MYT1: variants seen among roughly 807,000 people sequenced by gnomAD.
MYT1 encodes the protein myelin transcription factor I.
A neutral mutation model predicts 123.0 loss-of-function variants in MYT1; 23 were observed. The observed-to-expected ratio is 0.19, with a 90% CI of 0.13 to 0.26. The LOEUF (loss-of-function observed/expected upper bound fraction) is 0.26, where lower values mean the gene tolerates loss of function less well. MYT1 is among the 10% of genes least tolerant of loss of function. The pLI is 1.00. For synonymous variants in MYT1, 518 were observed against 575.3 expected (o/e 0.90, Z 1.43); for missense variants, 1,125 against 1,472.5 (o/e 0.76, Z 3.86).
At position 64,166,248 on chromosome 20, in the gene MYT1, C is replaced by T. The variant is rs764071388; in HGVS notation, c.-99+1509C>T. Among the ~76,000 whole-genome samples the T allele has an allele frequency of 3.9e-5, 6 of 152,190 alleles. No individual in the cohort carries two copies. Among genetic ancestry groups the T allele is most frequent in the East Asian group, 1.9e-4 (1 of 5,194 alleles). ...AGGCAGGACCCTGCCCTGTCTCCCTCGGTAGCTGTTCCTTGTGCAGAGGAG... is the reference window on the plus strand; with the variant it reads ...AGGCAGGACCCTGCCCTGTCTCCCTTGGTAGCTGTTCCTTGTGCAGAGGAG... On this transcript the variant is annotated intron_variant, in intron 1 of 22. Transcript: ENST00000328439. This position sits in a 1 kb window ranked among gnomAD's most constrained non-coding sequence, Gnocchi z 4.9.
rs1264210360 is a variant in MYT1, at chr20:64,193,445, A to C, written c.-1+3285A>C. The stretch of plus-strand genomic sequence containing the variant: ...TGCTGCTCTTAGATCGTTGAGTGGG[A>C]GCTTGGATCTTCCACAATACTGTCT... On this transcript the variant is annotated intron_variant, in intron 2 of 22. Coordinates refer to ENST00000328439, the MANE Select transcript of MYT1 (RefSeq NM_004535.3). This position sits in a 1 kb window ranked among gnomAD's most constrained non-coding sequence, Gnocchi z 4.0. 6.6e-6 allele frequency among the ~76,000 whole-genome samples: 1 copy of C among 152,012 alleles called. No homozygotes were observed. Among genetic ancestry groups the C allele is most frequent in the African/African-American group, 2.4e-5 (1 of 41,376 alleles).
intron 19 of MYT1, among the ~76,000 whole-genome samples, chr20:64,234,824 C>T (rs112907830): frequency 7.5e-6 from 1 of 132,592 alleles, no homozygotes; most frequent in Non-Finnish European, 1.6e-5. Flanking sequence ...GGTGGGTGAC[C>T]CCGAGCTGGC....
chr20:64,223,456 GC>G, intron 16 of MYT1, 97 bp downstream of exon 16: 2 of 1,389,932 alleles, frequency 1.4e-6, no homozygotes, highest in Non-Finnish European at 2.0e-6. Flanking sequence ...TCTCCAAGGT[GC>G]CAAGCCTCAG....
At chr20:64,223,664 C>T (rs997227353) in intron 16 of MYT1, among the ~76,000 whole-genome samples, 3 of 152,164 alleles carry the variant, frequency 2.0e-5, no homozygotes, top group African/African-American at 4.8e-5. Context: ...TGAAGATCCC[C>T]GACAGGGCTG....
chr20:64,193,559 G>T lies in MYT1; in HGVS notation c.-1+3399G>T, dbSNP rs1216976355. Among the ~76,000 whole-genome samples the T allele has an allele frequency of 2.0e-5, 3 of 152,116 alleles. No individual in the cohort carries two copies. The highest frequency in any genetic ancestry group is 2.9e-5 in the Non-Finnish European group (2 of 68,022). Reference sequence around the variant, plus strand: ...AGAAAACAGGCCAGACCATGGCTCTGTCTTTCTCCCCTCCCCTCACTGCAG... The same window carrying T: ...AGAAAACAGGCCAGACCATGGCTCTTTCTTTCTCCCCTCCCCTCACTGCAG... On this transcript the variant is annotated intron_variant, in intron 2 of 22. Coordinates refer to ENST00000328439, the MANE Select transcript of MYT1 (RefSeq NM_004535.3). The surrounding 1 kb of genome is among the most constrained non-coding windows in gnomAD (Gnocchi z 4.0).
At chr20:64,236,671 C>T (rs746647840) in intron 20 of MYT1, 25 bp downstream of exon 20, 37 of 1,593,554 alleles carry the variant, frequency 2.3e-5, no homozygotes, top group Admixed American at 3.3e-5. Flanking sequence ...CTGGATTTCC[C>T]TGCTCATGGC....
Position 64,223,183 on chromosome 20 carries a change from C to CAG in MYT1, c.2459+10_2459+11insAG. Reference sequence around the variant, plus strand: ...ACGCCTCCCACCGCAGGTTTGTCTCCTGCTCGGGTCCGTCTGGCCTGGGTG... The same window carrying CAG: ...ACGCCTCCCACCGCAGGTTTGTCTCCAGTGCTCGGGTCCGTCTGGCCTGGGTG... On this transcript the variant is annotated intron_variant, in intron 15 of 22. Coordinates refer to ENST00000328439, the MANE Select transcript of MYT1 (RefSeq NM_004535.3). 6.2e-7 allele frequency: 1 copy of CAG among 1,614,222 alleles called. No individual in the cohort carries two copies. Among genetic ancestry groups the CAG allele is most frequent in the Non-Finnish European group, 8.5e-7 (1 of 1,180,040 alleles).
intron 19 of MYT1, among the ~76,000 whole-genome samples, chr20:64,233,891 G>T (rs1984418700): frequency 6.6e-6 from 1 of 152,178 alleles, no homozygotes; most frequent in African/African-American, 2.4e-5. Flanking sequence ...GGGAGCAAAA[G>T]AGATGAGGTA....
At chr20:64,199,311 G>A (rs1983219988) in intron 3 of MYT1, among the ~76,000 whole-genome samples, 1 of 152,190 alleles carries the variant, frequency 6.6e-6, no homozygotes, top group South Asian at 2.1e-4. Context: ...GAAGTGCAGT[G>A]GGAGGAGAGG....
At chr20:64,180,232 A>C (rs1262703729) in intron 1 of MYT1, among the ~76,000 whole-genome samples, 2 of 152,174 alleles carry the variant, frequency 1.3e-5, no homozygotes, top group South Asian at 2.1e-4. Context: ...GACACACGCC[A>C]CACACACACC....
chr20:64,223,056 C>A, intron 14 of MYT1, 55 bp from the exon 15 acceptor site: 10 of 1,602,356 alleles, frequency 6.2e-6, no homozygotes, highest in Non-Finnish European at 8.6e-6. Context: ...CAGGCTCAGC[C>A]TGGGGGGCAG....
At position 64,167,420 on chromosome 20, in the gene MYT1, T is replaced by C. The variant is rs904438960; in HGVS notation, c.-99+2681T>C. Among the ~76,000 whole-genome samples, 26 of 152,044 alleles carry C rather than the reference T, an allele frequency of 1.7e-4. No homozygotes were observed. The highest frequency in any genetic ancestry group is 5.8e-4 in the African/African-American group (24 of 41,358). ...GAGACCGGGAACAACCAGAACACTT[T>C]GGTCAGCACCGGGCCTGGAGTAGAT... On this transcript the variant is annotated intron_variant, in intron 1 of 22. Coordinates refer to ENST00000328439, the MANE Select transcript of MYT1 (RefSeq NM_004535.3). The surrounding 1 kb of genome is among the most constrained non-coding windows in gnomAD (Gnocchi z 6.3).
At chr20:64,216,517 T>C (rs1490959677) in intron 10 of MYT1, among the ~76,000 whole-genome samples, 1 of 152,234 alleles carries the variant, frequency 6.6e-6, no homozygotes, top group African/African-American at 2.4e-5. Flanking sequence ...AGAGGGCAGC[T>C]GAGGGCTGAG....
rs1341755142 is a variant in MYT1 at position 64,186,776 on chromosome 20, G to A, written c.-98-3287G>A. Among the ~76,000 whole-genome samples, 1 of 152,104 alleles carries A rather than the reference G, an allele frequency of 6.6e-6. No homozygotes were observed. Among genetic ancestry groups the A allele is most frequent in the Non-Finnish European group, 1.5e-5 (1 of 68,030 alleles). ...AGATTTCCTGTAGCCCGTGGCCCCGGCATCCACGTTTCCGTGGAGACTTTT... is the reference window on the plus strand; with the variant it reads ...AGATTTCCTGTAGCCCGTGGCCCCGACATCCACGTTTCCGTGGAGACTTTT... On this transcript the variant is annotated intron_variant, in intron 1 of 22. Transcript: ENST00000328439. This position sits in a 1 kb window ranked among gnomAD's most constrained non-coding sequence, Gnocchi z 4.3.
At chr20:64,172,599 G>A (rs1177940850) in intron 1 of MYT1, among the ~76,000 whole-genome samples, 1 of 152,120 alleles carries the variant, frequency 6.6e-6, no homozygotes, top group Non-Finnish European at 1.5e-5. Flanking sequence ...AAATTTCTGG[G>A]ACCAAGGAAC....
At chr20:64,238,619 G>GCCCTCCCGGCGGAGCCATCTCCGTC (rs1984621781) in intron 21 of MYT1, among the ~76,000 whole-genome samples, 1 of 151,396 alleles carries the variant, frequency 6.6e-6, no homozygotes. Context: ...AGGAGTGATG[G>GCCCTCCCGGCGGAGCCATCTCCGTC]CCCTCCCGGC....
At chr20:64,165,975 G>A (rs1379026951) in intron 1 of MYT1, among the ~76,000 whole-genome samples, 1 of 152,262 alleles carries the variant, frequency 6.6e-6, no homozygotes, top group East Asian at 1.9e-4. Context: ...CTCCTCTGAG[G>A]TGCCAGCAGA....
intron 8 of MYT1, 144 bp from the exon 9 acceptor site, chr20:64,211,904 C>A: frequency 1.5e-6 from 1 of 689,362 alleles, no homozygotes; most frequent in Non-Finnish European, 2.6e-6. Flanking sequence ...AGCTGCCCTG[C>A]GTTGCTGTGT....
rs533240176 is a variant in MYT1 at position 64,203,496 on chromosome 20, C to T, written c.87-1539C>T. 3.3e-5 allele frequency among the ~76,000 whole-genome samples: 5 copies of T among 152,124 alleles called. No individual in the cohort carries two copies. The highest frequency in any genetic ancestry group is 7.4e-5 in the Non-Finnish European group (5 of 68,006). On this transcript the variant is annotated intron_variant, in intron 4 of 22. Coordinates refer to ENST00000328439, the MANE Select transcript of MYT1 (RefSeq NM_004535.3). This position sits in a 1 kb window ranked among gnomAD's most constrained non-coding sequence, Gnocchi z 5.1. ...CAGTCGAGTGTGGTGTGCCCTCCCT[C>T]TCTCGCTCTCTCCCTCTTCCTCCCT...
Sources: allele counts gnomAD v4.1 joint callset (sites outside exome capture counted in the v4.1 genomes callset), GRCh38; gene constraint gnomAD v4.1.1; non-coding constraint Gnocchi (gnomAD v3.1); transcripts MANE v1.5; gene names NCBI Gene and HGNC (gene_info 2026-07-23, HGNC 2026-07-21).